Variants in SHANK2 observed in about 807,000 individuals in gnomAD.
SHANK2 encodes SH3 and multiple ankyrin repeat domains 2.
SHANK2 carries 43 observed loss-of-function variants against 133.7 expected under a neutral mutation model. That is an observed-to-expected ratio of 0.32 (90% CI 0.25 to 0.41). The LOEUF is 0.41. Among genes scored for constraint, SHANK2 ranks in the 10% least tolerant of loss-of-function variants. SHANK2 has a pLI of 1.00. For missense variants in SHANK2, 1,994 were observed against 2,235.8 expected (o/e 0.89, Z 2.18); for synonymous variants, 1,017 against 952.8 (o/e 1.07, Z -1.24).
chr11:70,941,970 G>T (rs1555084469), intron 10 of SHANK2, among the ~76,000 whole-genome samples: 1 of 152,042 alleles, frequency 6.6e-6, no homozygotes, highest in Non-Finnish European at 1.5e-5. Flanking sequence ...AAGGTGGATG[G>T]ATCACGAGGT....
At chr11:70,584,253 C>T (rs531857904) in intron 17 of SHANK2, among the ~76,000 whole-genome samples, 10 of 152,270 alleles carry the variant, frequency 6.6e-5, no homozygotes, top group African/African-American at 2.4e-4. Context: ...GGCATCCTGG[C>T]GCTCGAATCA....
At chr11:71,216,375 T>G (rs1555119887) in intron 2 of SHANK2, among the ~76,000 whole-genome samples, 1 of 152,198 alleles carries the variant, frequency 6.6e-6, no homozygotes, top group Non-Finnish European at 1.5e-5. Flanking sequence ...AAAGGTCATG[T>G]ATTATACGAT....
intron 8 of SHANK2, among the ~76,000 whole-genome samples, chr11:71,082,471 G>T (rs1951313556): frequency 6.6e-6 from 1 of 152,200 alleles, no homozygotes; most frequent in Admixed American, 6.5e-5. Context: ...CAACCCATGT[G>T]GCTCCATCCC....
At chr11:70,702,475 A>C (rs569174240) in intron 14 of SHANK2, among the ~76,000 whole-genome samples, 2 of 151,326 alleles carry the variant, frequency 1.3e-5, no homozygotes, top group South Asian at 4.2e-4. Context: ...ATCACCACTA[A>C]TCATCATCAT....
chr11:71,171,130 C>A (rs1415903163), intron 2 of SHANK2, among the ~76,000 whole-genome samples: 1 of 152,222 alleles, frequency 6.6e-6, no homozygotes, highest in Non-Finnish European at 1.5e-5. Flanking sequence ...GTTTTCTCTT[C>A]TTCTAGGTGC....
At chr11:71,158,849 C>T (rs1346122477) in intron 2 of SHANK2, among the ~76,000 whole-genome samples, 3 of 152,190 alleles carry the variant, frequency 2.0e-5, no homozygotes, top group African/African-American at 7.2e-5. Context: ...AATTAATAAA[C>T]CTATGAGGCT....
At chr11:70,657,976 C>A (rs1265848890) in intron 17 of SHANK2, among the ~76,000 whole-genome samples, 1 of 152,188 alleles carries the variant, frequency 6.6e-6, no homozygotes, top group Non-Finnish European at 1.5e-5. Context: ...GGCCCACACA[C>A]GTGCCTCAGC....
At chr11:71,140,330 G>A (rs868948308) in intron 3 of SHANK2, among the ~76,000 whole-genome samples, 2 of 152,216 alleles carry the variant, frequency 1.3e-5, no homozygotes, top group South Asian at 4.1e-4. Flanking sequence ...AATCTGGGCT[G>A]GAGCAGACCT....
At chr11:70,909,113 G>T (rs1299898266) in intron 10 of SHANK2, among the ~76,000 whole-genome samples, 2 of 152,200 alleles carry the variant, frequency 1.3e-5, no homozygotes, top group African/African-American at 4.8e-5. Context: ...TCTCCCAGAA[G>T]GATTTGCCAA....
At chr11:71,165,316 G>A (rs1953119605) in intron 2 of SHANK2, among the ~76,000 whole-genome samples, 1 of 152,168 alleles carries the variant, frequency 6.6e-6, no homozygotes, top group Non-Finnish European at 1.5e-5. Context: ...TTACAGGCAT[G>A]AGCCACCACT....
chr11:71,073,142 C>CTTTTTTTTTTTTTTTTTTTTTTTTTTT (rs1951165821), intron 9 of SHANK2, among the ~76,000 whole-genome samples: 1 of 41,092 alleles, frequency 2.4e-5, no homozygotes, highest in African/African-American at 4.6e-5. Context: ...TTTTCTTTTT[C>CTTTTTTTTTTTTTTTTTTTTTTTTTTT]TTTTCTTTTT....
intron 2 of SHANK2, among the ~76,000 whole-genome samples, chr11:71,179,353 A>G (rs1274916891): frequency 2.6e-5 from 4 of 152,362 alleles, no homozygotes; most frequent in Admixed American, 2.0e-4. Context: ...AACAAAAGCT[A>G]AAAACCCTAT....
At chr11:70,732,699 G>A (rs1468088445) in intron 14 of SHANK2, among the ~76,000 whole-genome samples, 1 of 152,210 alleles carries the variant, frequency 6.6e-6, no homozygotes, top group Non-Finnish European at 1.5e-5. Context: ...TGCCCACGCA[G>A]CCCATGCCCT....
intron 10 of SHANK2, among the ~76,000 whole-genome samples, chr11:70,922,501 C>G (rs887590641): frequency 6.6e-6 from 1 of 152,076 alleles, no homozygotes; most frequent in African/African-American, 2.4e-5. Context: ...GCAACCATAG[C>G]AAATGGCCAT....
At chr11:70,795,407 C>CTTTTTTTTTTTTTTTTTTTTTTTT (rs71049944) in intron 14 of SHANK2, among the ~76,000 whole-genome samples, 1 of 128,458 alleles carries the variant, frequency 7.8e-6, no homozygotes. Context: ...CTTTCTTTTT[C>CTTTTTTTTTTTTTTTTTTTTTTTT]TTTTTTTTTT....
intron 14 of SHANK2, among the ~76,000 whole-genome samples, chr11:70,741,275 CCATCCATT>C (rs1412585660): frequency 2.7e-5 from 4 of 146,278 alleles, no homozygotes; most frequent in Non-Finnish European, 4.6e-5. Context: ...ATCCATCCAT[CCATCCATT>C]CATCCATCCG....
chr11:70,911,195 T>C (rs925049514), intron 10 of SHANK2: 1 of 456,466 alleles, frequency 2.2e-6, no homozygotes, highest in Non-Finnish European at 4.4e-6. Context: ...AGCACAGAGT[T>C]GGATGAGTTT....
At chr11:71,103,719 G>A in intron 6 of SHANK2, among the ~76,000 whole-genome samples, 1 of 152,078 alleles carries the variant, frequency 6.6e-6, no homozygotes, top group East Asian at 1.9e-4. Context: ...GGATCATGGG[G>A]GCAGATTTGT....
chr11:70,561,787 G>A (rs1321167985), intron 17 of SHANK2, among the ~76,000 whole-genome samples: 1 of 151,924 alleles, frequency 6.6e-6, no homozygotes, highest in Non-Finnish European at 1.5e-5. Context: ...CTCCCATCTT[G>A]GTCTCCTAAA....
Sources: allele counts gnomAD v4.1 joint callset (sites outside exome capture counted in the v4.1 genomes callset), GRCh38; gene constraint gnomAD v4.1.1; transcripts MANE v1.5; gene names NCBI Gene and HGNC (gene_info 2026-07-23, HGNC 2026-07-21).